The following SLC24A3 variants were observed in gnomAD, a reference collection of about 807,000 sequenced individuals.
SLC24A3 encodes solute carrier family 24 member 3, also known as sodium/potassium/calcium exchanger 3.
Under a neutral mutation model 75.8 loss-of-function variants are expected in SLC24A3, and 28 were observed. The ratio of observed to expected loss-of-function variants is 0.37; its 90% CI spans 0.27 to 0.51. The LOEUF is 0.51. Among genes scored for constraint, SLC24A3 ranks in the 20% least tolerant of loss-of-function variants. The probability of loss-of-function intolerance (pLI) is 0.94; values close to 1 mark genes in which losing one functional copy is unlikely to be tolerated. For synonymous variants in SLC24A3, 372 were observed against 334.1 expected (o/e 1.11, Z -1.24); for missense variants, 663 against 847.8 (o/e 0.78, Z 2.71).
chr20:19,319,706 G>A (rs867550987), intron 2 of SLC24A3, among the ~76,000 whole-genome samples: 7 of 152,208 alleles, frequency 4.6e-5, no homozygotes, highest in Non-Finnish European at 8.8e-5. Flanking sequence ...GGGGGAGGCG[G>A]TGTTGAGGGG....
intron 9 of SLC24A3, among the ~76,000 whole-genome samples, chr20:19,678,435 C>A (rs1458816917): frequency 7.4e-6 from 1 of 135,876 alleles, no homozygotes; most frequent in Non-Finnish European, 1.6e-5. Flanking sequence ...CCCCTCACCT[C>A]CCGGACGGGG....
chr20:19,718,647 A>T (rs1445584789), intron 16 of SLC24A3, among the ~76,000 whole-genome samples: 1 of 152,214 alleles, frequency 6.6e-6, no homozygotes, highest in East Asian at 1.9e-4. Flanking sequence ...TGCTATAGTT[A>T]TACCATCTAC....
chr20:19,610,282 A>T (rs2031655787), intron 6 of SLC24A3, among the ~76,000 whole-genome samples: 1 of 151,908 alleles, frequency 6.6e-6, no homozygotes, highest in Admixed American at 6.6e-5. Flanking sequence ...AAACATTGGG[A>T]TCTCCTAGGT....
chr20:19,503,053 A>G (rs893397035), intron 2 of SLC24A3, among the ~76,000 whole-genome samples: 3 of 150,214 alleles, frequency 2.0e-5, no homozygotes, highest in African/African-American at 7.4e-5. Flanking sequence ...AAAATACTAG[A>G]TACACATCAA....
At chr20:19,403,215 C>T (rs1284894220) in intron 2 of SLC24A3, among the ~76,000 whole-genome samples, 1 of 152,104 alleles carries the variant, frequency 6.6e-6, no homozygotes, top group Non-Finnish European at 1.5e-5. Context: ...ACAGGTTTGT[C>T]CAACATCTGA....
At chr20:19,429,983 G>T (rs1207609773) in intron 2 of SLC24A3, among the ~76,000 whole-genome samples, 1 of 152,122 alleles carries the variant, frequency 6.6e-6, no homozygotes, top group Non-Finnish European at 1.5e-5. Context: ...TAGGGTGAAG[G>T]GTGGGGAGGT....
chr20:19,267,798 G>A (rs1008545083), intron 1 of SLC24A3, among the ~76,000 whole-genome samples: 1 of 152,142 alleles, frequency 6.6e-6, no homozygotes, highest in Non-Finnish European at 1.5e-5. Context: ...GTCACCTTGA[G>A]GGATGTGGAG....
intron 1 of SLC24A3, among the ~76,000 whole-genome samples, chr20:19,269,322 C>T (rs1032952616): frequency 2.6e-5 from 4 of 152,138 alleles, no homozygotes; most frequent in African/African-American, 9.7e-5. Flanking sequence ...GGGAAATTAT[C>T]CTGGGGAGTG....
chr20:19,508,104 T>C (rs1263349602), intron 2 of SLC24A3, among the ~76,000 whole-genome samples: 1 of 152,172 alleles, frequency 6.6e-6, no homozygotes, highest in Non-Finnish European at 1.5e-5. Flanking sequence ...GGGAAGGCTT[T>C]GTGAGAAGCG....
intron 2 of SLC24A3, among the ~76,000 whole-genome samples, chr20:19,397,122 A>T (rs1415229034): frequency 6.6e-6 from 1 of 152,220 alleles, no homozygotes; most frequent in Non-Finnish European, 1.5e-5. Flanking sequence ...ACCCCACTCA[A>T]TAGAATTCAT....
intron 2 of SLC24A3, among the ~76,000 whole-genome samples, chr20:19,315,103 A>G (rs1374942294): frequency 6.6e-6 from 1 of 152,132 alleles, no homozygotes; most frequent in Non-Finnish European, 1.5e-5. Context: ...TGTTTCTGCT[A>G]TTTTTGCAAA....
intron 2 of SLC24A3, among the ~76,000 whole-genome samples, chr20:19,464,374 C>CGTGCGCACACGTGTGT (rs1340940154): frequency 2.1e-4 from 29 of 141,140 alleles, no homozygotes; most frequent in African/African-American, 6.1e-4. Flanking sequence ...CACACACATA[C>CGTGCGCACACGTGTGT]GTGCGCACAC....
In SLC24A3 at chr20:19,721,000, G is replaced by A. The variant is rs760581173; in HGVS notation, c.1795G>A (p.Val599Ile). The change falls in exon 17 of 17, where the codon GTC (valine) becomes ATC (isoleucine). Residue 599 changes from valine (V) to isoleucine (I), a missense_variant. Val to Ile is a conservative substitution (Grantham distance 29). Around this residue, in one of 2 missense-constraint regions of SLC24A3, gnomAD observed 510 missense variants for 703.6 expected, o/e 0.72. Coordinates refer to ENST00000328041, the MANE Select transcript of SLC24A3 (RefSeq NM_020689.4). ...LASVFVTVFG[V>I]HLNKWQLDKK... ...GTTCTGTGCCCTGCAGGTGTTCGGC[G>A]TCCACCTGAACAAGTGGCAGCTGGA... 1.7e-5 allele frequency: 27 copies of A among 1,613,754 alleles called. No homozygotes were observed. The highest frequency in any genetic ancestry group is 5.0e-5 in the Admixed American group (3 of 60,006).
chr20:19,366,417 G>A (rs920928940), intron 2 of SLC24A3, among the ~76,000 whole-genome samples: 1 of 152,180 alleles, frequency 6.6e-6, no homozygotes, highest in African/African-American at 2.4e-5. Context: ...ATACTGAAAG[G>A]AGGCCTCTGA....
At chr20:19,357,571 G>A (rs992868560) in intron 2 of SLC24A3, among the ~76,000 whole-genome samples, 1 of 152,052 alleles carries the variant, frequency 6.6e-6, no homozygotes, top group Non-Finnish European at 1.5e-5. Flanking sequence ...TTCTGTTTTT[G>A]GTGGTGGTTT....
At chr20:19,547,940 C>T (rs534267588) in intron 3 of SLC24A3, among the ~76,000 whole-genome samples, 12 of 152,360 alleles carry the variant, frequency 7.9e-5, no homozygotes, top group Admixed American at 5.9e-4. Flanking sequence ...GTATTGGGAA[C>T]TGTGGTACAG....
At chr20:19,550,516 A>C (rs1303092608) in intron 3 of SLC24A3, among the ~76,000 whole-genome samples, 1 of 152,220 alleles carries the variant, frequency 6.6e-6, no homozygotes, top group Non-Finnish European at 1.5e-5. Flanking sequence ...GTAGCAACTA[A>C]ATCACAATTA....
chr20:19,280,903 G>A, intron 1 of SLC24A3, 56 bp from the exon 2 acceptor site: 3 of 1,584,576 alleles, frequency 1.9e-6, no homozygotes, highest in South Asian at 2.3e-5. Context: ...TGCAGCGTCG[G>A]CAGAGGCTGA....
intron 6 of SLC24A3, among the ~76,000 whole-genome samples, chr20:19,630,727 A>G (rs1241353511): frequency 1.5e-5 from 2 of 131,780 alleles, no homozygotes; most frequent in Non-Finnish European, 3.0e-5. Context: ...GCTAAACTCC[A>G]TTTAATCCAA....
Sources: gnomAD v4.1 joint callset for allele counts (sites outside exome capture counted in the v4.1 genomes callset) on GRCh38, gnomAD v4.1.1 for gene constraint, gnomAD v4.1.1 regional missense constraint, MANE v1.5 for transcripts, NCBI Gene and HGNC (gene_info 2026-07-23, HGNC 2026-07-21) for gene names.